KDM4B: variants seen among roughly 807,000 people sequenced by gnomAD.
KDM4B encodes lysine-specific demethylase 4B.
KDM4B carries 32 observed loss-of-function variants against 125.2 expected under a neutral mutation model. That is an observed-to-expected ratio of 0.26 (90% CI 0.19 to 0.34). The LOEUF (loss-of-function observed/expected upper bound fraction) is 0.34. Among genes scored for constraint, KDM4B ranks in the 10% least tolerant of loss-of-function variants. The probability of loss-of-function intolerance (pLI) is 1.00; values close to 1 mark genes in which losing one functional copy is unlikely to be tolerated. For synonymous variants in KDM4B, 721 were observed against 677.9 expected (o/e 1.06, Z -0.99); for missense variants, 1,190 against 1,577.7 (o/e 0.75, Z 4.16).
At chr19:5,042,648 G>T (rs1374495862) in intron 5 of KDM4B, among the ~76,000 whole-genome samples, 1 of 151,908 alleles carries the variant, frequency 6.6e-6, no homozygotes, top group Non-Finnish European at 1.5e-5. Flanking sequence ...GGTGAAGGAG[G>T]AGCTGATCCA....
rs1441655038 is a variant in KDM4B, at chr19:5,105,595, C to T, written c.919-5027C>T. Among the ~76,000 whole-genome samples, 3 of 152,290 alleles carry T rather than the reference C, an allele frequency of 2.0e-5. No homozygotes were observed. The East Asian group carries it at 5.8e-4, about 29-fold the overall frequency. ...CAGTAGGCGTGCACCACCACACTCA[C>T]CTAATTTTAAAAATAAATTTTTGTG... is the stretch of plus-strand genomic sequence containing the variant. On this transcript the variant is annotated intron_variant, in intron 9 of 22. Transcript: ENST00000159111.
chr19:5,061,675 G>T (rs1267245440), intron 6 of KDM4B, among the ~76,000 whole-genome samples: 1 of 151,942 alleles, frequency 6.6e-6, no homozygotes, highest in Non-Finnish European at 1.5e-5. Flanking sequence ...GAACAGCCTG[G>T]GCAACATTGC....
rs192096218 is a variant in KDM4B, at chr19:5,125,175, A to C, written c.1315+5323A>C. ...AGTGCTGGGATTACAGGTATGAGCC[A>C]CTGTGCCCAGCTTTCTTTTCATTAA... is the stretch of plus-strand genomic sequence containing the variant. On this transcript the variant is annotated intron_variant, in intron 11 of 22. Coordinates refer to ENST00000159111, the MANE Select transcript of KDM4B (RefSeq NM_015015.3). Among the ~76,000 whole-genome samples the C allele has an allele frequency of 3.3e-5, 5 of 152,332 alleles. No individual in the cohort carries two copies. In the East Asian group the frequency reaches 9.6e-4, roughly 29 times the overall value.
chr19:4,969,745 A>G (rs956404724), intron 1 of KDM4B, among the ~76,000 whole-genome samples: 2 of 147,928 alleles, frequency 1.4e-5, no homozygotes, highest in Non-Finnish European at 3.0e-5. Context: ...CCCCAGCTGG[A>G]CACCCAGGGA....
chr19:5,024,480 C>T (rs536357790), intron 2 of KDM4B, among the ~76,000 whole-genome samples: 1 of 152,238 alleles, frequency 6.6e-6, no homozygotes, highest in South Asian at 2.1e-4. Context: ...GGGCCGGAAG[C>T]GTCCCTCACT....
intron 1 of KDM4B, among the ~76,000 whole-genome samples, chr19:5,015,249 A>T (rs1029446053): frequency 6.6e-6 from 1 of 151,624 alleles, no homozygotes; most frequent in African/African-American, 2.4e-5. Flanking sequence ...CAGGTTGTGA[A>T]AGTCCTTTTT....
intron 5 of KDM4B, among the ~76,000 whole-genome samples, chr19:5,046,122 C>T (rs532969977): frequency 1.3e-5 from 2 of 152,346 alleles, no homozygotes; most frequent in East Asian, 3.9e-4. Flanking sequence ...GCCTGCACTG[C>T]CTGCACTTGG....
chr19:5,136,264 T>G (rs1415546251), intron 15 of KDM4B, among the ~76,000 whole-genome samples: 2 of 152,208 alleles, frequency 1.3e-5, no homozygotes, highest in African/African-American at 4.8e-5. Flanking sequence ...CTGATTTATC[T>G]CTGCTCTCAG....
At chr19:5,098,450 G>A (rs145498040) in intron 9 of KDM4B, among the ~76,000 whole-genome samples, 126 of 152,168 alleles carry the variant, frequency 8.3e-4, no homozygotes, top group African/African-American at 3.0e-3. Flanking sequence ...TAGGTGACTG[G>A]CAGGTCTTGC....
intron 21 of KDM4B, among the ~76,000 whole-genome samples, chr19:5,147,126 G>C (rs1018802080): frequency 2.0e-5 from 3 of 151,980 alleles, no homozygotes; most frequent in African/African-American, 4.8e-5. Flanking sequence ...AGGACCTCTA[G>C]AACACCATGG....
intron 1 of KDM4B, among the ~76,000 whole-genome samples, chr19:5,014,535 A>G (rs1405804557): frequency 6.6e-6 from 1 of 151,610 alleles, no homozygotes; most frequent in Admixed American, 6.6e-5. Context: ...TCGGCCTCCC[A>G]AAGTGCTGGG....
In KDM4B at chr19:5,114,397, C is replaced by A; in HGVS notation, c.1115+3579C>A. 1 of 490,278 alleles carries A rather than the reference C, an allele frequency of 2.0e-6. No individual in the cohort carries two copies. Among genetic ancestry groups the A allele is most frequent in the South Asian group, 1.6e-5 (1 of 63,724 alleles). The allele number at this position is 490,278 out of a possible 1,614,324, so 30.4% of individuals were successfully genotyped here. ...GTCGCCCCTGCGCCAGTGCAGGACACCGCCACGCCTCTGGCCCCGACTCCT... is the reference window on the plus strand; with the variant it reads ...GTCGCCCCTGCGCCAGTGCAGGACAACGCCACGCCTCTGGCCCCGACTCCT... On this transcript the variant is annotated intron_variant, in intron 10 of 22. Transcript: ENST00000159111. The surrounding 1 kb of genome is among the most constrained non-coding windows in gnomAD (Gnocchi z 5.8).
At chr19:5,058,238 C>T (rs952123090) in intron 6 of KDM4B, among the ~76,000 whole-genome samples, 11 of 152,166 alleles carry the variant, frequency 7.2e-5, no homozygotes, top group African/African-American at 1.2e-4. Flanking sequence ...CAAGCCCTGA[C>T]GGAGTGCTCA....
intron 11 of KDM4B, among the ~76,000 whole-genome samples, chr19:5,128,463 C>T (rs1156573407): frequency 6.6e-6 from 1 of 152,238 alleles, no homozygotes; most frequent in East Asian, 1.9e-4. Context: ...CCCGGTGAGG[C>T]TGGATGGGCA....
chr19:5,051,891 G>T (rs2037237301), intron 6 of KDM4B, among the ~76,000 whole-genome samples: 1 of 152,198 alleles, frequency 6.6e-6, no homozygotes, highest in Non-Finnish European at 1.5e-5. Context: ...GGATCGCTCC[G>T]CCCACCCTCT....
chr19:4,983,496 C>T (rs566770808), intron 1 of KDM4B, among the ~76,000 whole-genome samples: 4 of 152,370 alleles, frequency 2.6e-5, no homozygotes, highest in Admixed American at 6.5e-5. Context: ...CCAGTGGGCT[C>T]TCGCCCACAG....
chr19:5,046,214 G>A (rs1051853927), intron 5 of KDM4B, among the ~76,000 whole-genome samples: 23 of 152,250 alleles, frequency 1.5e-4, no homozygotes, highest in African/African-American at 4.3e-4. Flanking sequence ...GGTGCCAGGG[G>A]AAGCTTCAGG....
At chr19:4,973,904 C>T (rs1023347608) in intron 1 of KDM4B, among the ~76,000 whole-genome samples, 8 of 147,698 alleles carry the variant, frequency 5.4e-5, no homozygotes, top group Non-Finnish European at 8.9e-5. Flanking sequence ...CTGAGGCGGG[C>T]GGATCACCTG....
At chr19:5,129,343 G>A (rs1483396083) in intron 11 of KDM4B, among the ~76,000 whole-genome samples, 1 of 151,996 alleles carries the variant, frequency 6.6e-6, no homozygotes, top group Non-Finnish European at 1.5e-5. Flanking sequence ...GTGGGTCAAG[G>A]GTTAAGTGTC....
Sources: allele counts gnomAD v4.1 joint callset (sites outside exome capture counted in the v4.1 genomes callset), GRCh38; gene constraint gnomAD v4.1.1; non-coding constraint Gnocchi (gnomAD v3.1); transcripts MANE v1.5; gene names NCBI Gene and HGNC (gene_info 2026-07-23, HGNC 2026-07-21).